KCNMB2: variants seen among roughly 807,000 people sequenced by gnomAD.
KCNMB2 encodes the protein potassium calcium-activated channel subfamily M regulatory beta subunit 2.
In KCNMB2, 9 loss-of-function variants were observed where a neutral mutation model predicts 24.5. That is an observed-to-expected ratio of 0.37 (90% confidence interval 0.22 to 0.64). KCNMB2 has a LOEUF of 0.64. Ranked by LOEUF, KCNMB2 falls within the 30% of genes least tolerant of loss-of-function variation. The probability of loss-of-function intolerance (pLI) is 0.63; values close to 1 mark genes in which losing one functional copy is unlikely to be tolerated. For missense variants in KCNMB2, 226 were observed against 284.3 expected (o/e 0.79, Z 1.47); for synonymous variants, 109 against 104.4 (o/e 1.04, Z -0.27).
intron 1 of KCNMB2, among the ~76,000 whole-genome samples, chr3:178,691,720 G>C (rs191051907): frequency 6.6e-6 from 1 of 152,068 alleles, no homozygotes; most frequent in South Asian, 2.1e-4. Flanking sequence ...ATGAACATAC[G>C]CATGCATGTG....
At chr3:178,790,093 G>A (rs545234629) in intron 1 of KCNMB2, among the ~76,000 whole-genome samples, 1 of 151,886 alleles carries the variant, frequency 6.6e-6, no homozygotes, top group Admixed American at 6.6e-5. Context: ...ATGGCACCAG[G>A]CAGAGTCCTA....
intron 1 of KCNMB2, among the ~76,000 whole-genome samples, chr3:178,606,966 T>C (rs1013159543): frequency 6.6e-6 from 1 of 152,192 alleles, no homozygotes; most frequent in Non-Finnish European, 1.5e-5. Flanking sequence ...TCACTAGACA[T>C]TGAATCTGCC....
intron 1 of KCNMB2, among the ~76,000 whole-genome samples, chr3:178,760,422 A>C (rs973538212): frequency 7.1e-6 from 1 of 141,436 alleles, no homozygotes; most frequent in Non-Finnish European, 1.5e-5. Context: ...TTATATATAT[A>C]TCCATATCCA....
At chr3:178,571,806 A>G (rs1716812250) in intron 1 of KCNMB2, among the ~76,000 whole-genome samples, 1 of 152,008 alleles carries the variant, frequency 6.6e-6, no homozygotes, top group African/African-American at 2.4e-5. Flanking sequence ...TTCCTGTGTT[A>G]GTTTGCTGAG....
intron 1 of KCNMB2, among the ~76,000 whole-genome samples, chr3:178,770,183 G>A (rs1045124539): frequency 6.6e-6 from 1 of 152,174 alleles, no homozygotes; most frequent in Non-Finnish European, 1.5e-5. Context: ...AGTTGCCCAA[G>A]TTATAAGGCC....
At chr3:178,640,785 G>A (rs1414443541) in intron 1 of KCNMB2, among the ~76,000 whole-genome samples, 1 of 152,102 alleles carries the variant, frequency 6.6e-6, no homozygotes, top group Non-Finnish European at 1.5e-5. Flanking sequence ...AAGGTCACCT[G>A]GATTGCCTCC....
At chr3:178,671,640 G>A (rs779368485) in intron 1 of KCNMB2, among the ~76,000 whole-genome samples, 15 of 152,170 alleles carry the variant, frequency 9.9e-5, no homozygotes, top group Non-Finnish European at 1.9e-4. Context: ...GCTTAACAGA[G>A]AGCAGAGAAA....
chr3:178,589,626 G>GT (rs1717588762), intron 1 of KCNMB2, among the ~76,000 whole-genome samples: 5 of 152,226 alleles, frequency 3.3e-5, no homozygotes, highest in Admixed American at 3.3e-4. Flanking sequence ...CTACAAGTGT[G>GT]TGCCACCACA....
intron 2 of KCNMB2, among the ~76,000 whole-genome samples, chr3:178,820,269 T>C (rs954908583): frequency 6.6e-6 from 1 of 152,220 alleles, no homozygotes; most frequent in Non-Finnish European, 1.5e-5. Context: ...GCCCTTGGCG[T>C]ATCAGTTTGC....
chr3:178,697,639 C>A (rs1422955784), intron 1 of KCNMB2, among the ~76,000 whole-genome samples: 1 of 152,112 alleles, frequency 6.6e-6, no homozygotes, highest in Non-Finnish European at 1.5e-5. Context: ...GGATTTGATC[C>A]TGTCATCATG....
intron 1 of KCNMB2, among the ~76,000 whole-genome samples, chr3:178,761,252 A>G (rs1009440456): frequency 3.3e-5 from 5 of 152,208 alleles, no homozygotes; most frequent in Non-Finnish European, 7.3e-5. Flanking sequence ...TATGATGTCA[A>G]TGTTTCAAGG....
intron 1 of KCNMB2, among the ~76,000 whole-genome samples, chr3:178,709,352 C>T (rs1181874176): frequency 6.6e-6 from 1 of 152,190 alleles, no homozygotes; most frequent in Non-Finnish European, 1.5e-5. Context: ...GGCTAAATCA[C>T]CTGGGCTTCA....
At chr3:178,539,010 C>T (rs1715499942) in intron 1 of KCNMB2, among the ~76,000 whole-genome samples, 2 of 152,156 alleles carry the variant, frequency 1.3e-5, no homozygotes, top group East Asian at 1.9e-4. Flanking sequence ...AAAATAAGCA[C>T]AGCTTTAGTC....
Position 178,843,014 on chromosome 3 carries a change from T to C in KCNMB2, c.*77T>C. 1 of 1,251,026 alleles carries C rather than the reference T, an allele frequency of 8.0e-7. No homozygotes were observed. The highest frequency in any genetic ancestry group is 1.1e-6 in the Non-Finnish European group (1 of 894,446). 77.5% of individuals were successfully genotyped at this position (1,251,026 alleles called of 1,614,324 possible). The stretch of plus-strand genomic sequence containing the variant: ...TCATTCTTCACCAAAGAACCTTAAG[T>C]TTGTAACGTGCAGTCTGTTATGAGT... On this transcript the variant is annotated 3_prime_UTR_variant, in exon 5 of 5. Coordinates refer to ENST00000452583, the MANE Select transcript of KCNMB2 (RefSeq NM_181361.3).
At chr3:178,647,121 C>T (rs1719948436) in intron 1 of KCNMB2, among the ~76,000 whole-genome samples, 2 of 152,152 alleles carry the variant, frequency 1.3e-5, no homozygotes, top group South Asian at 4.1e-4. Context: ...TGCTGGACCT[C>T]TCTGGTTTGC....
chr3:178,835,559 T>C (rs1456357069), intron 4 of KCNMB2, among the ~76,000 whole-genome samples: 1 of 152,200 alleles, frequency 6.6e-6, no homozygotes, highest in Admixed American at 6.5e-5. Context: ...TATGTCCCAT[T>C]CTCAAGCATA....
intron 1 of KCNMB2, among the ~76,000 whole-genome samples, chr3:178,741,513 T>G (rs1466027486): frequency 6.6e-6 from 1 of 152,176 alleles, no homozygotes; most frequent in Non-Finnish European, 1.5e-5. Flanking sequence ...TCCCTCCCCT[T>G]AACTGAATCT....
chr3:178,772,794 A>G (rs1452591459), intron 1 of KCNMB2, among the ~76,000 whole-genome samples: 1 of 152,246 alleles, frequency 6.6e-6, no homozygotes, highest in African/African-American at 2.4e-5. Context: ...AAACATGTAG[A>G]AGTAGGTAGA....
At chr3:178,544,540 G>A (rs965768596) in intron 1 of KCNMB2, among the ~76,000 whole-genome samples, 2 of 152,158 alleles carry the variant, frequency 1.3e-5, no homozygotes, top group Non-Finnish European at 2.9e-5. Flanking sequence ...GCAGTCAAAT[G>A]TCAAGTCTGC....
Sources: gnomAD v4.1 joint callset for allele counts (sites outside exome capture counted in the v4.1 genomes callset) on GRCh38, gnomAD v4.1.1 for gene constraint, MANE v1.5 for transcripts, NCBI Gene and HGNC (gene_info 2026-07-23, HGNC 2026-07-21) for gene names.